The following ITPKA variants were observed in gnomAD, a reference collection of about 807,000 sequenced individuals.
The protein encoded by ITPKA is inositol-trisphosphate 3-kinase A, also known as IP3 3-kinase A.
Under a neutral mutation model 40.7 loss-of-function variants are expected in ITPKA, and 16 were observed. That is an observed-to-expected ratio of 0.39 (90% confidence interval 0.27 to 0.60). The LOEUF (loss-of-function observed/expected upper bound fraction) is 0.60. Ranked by LOEUF, ITPKA falls within the 20% of genes least tolerant of loss-of-function variation. ITPKA has a pLI of 0.50. For missense variants in ITPKA, 540 were observed against 649.3 expected (o/e 0.83, Z 1.83); for synonymous variants, 313 against 289.9 (o/e 1.08, Z -0.81).
At position 41,501,993 on chromosome 15, in the gene ITPKA, A is replaced by C. The variant is rs375919937; in HGVS notation, c.804-4A>C. On this transcript the variant is annotated splice_region_variant and splice_polypyrimidine_tract_variant and intron_variant, in intron 3 of 6. Transcript: ENST00000260386. ...TGCCCTGGCCGCTGCCTGCGCCCCC[A>C]CAGGACTTACCTAGAGGAGGAGCTG... The C allele has an allele frequency of 7.6e-5, 122 of 1,612,118 alleles. No individual in the cohort carries two copies. The highest frequency in any genetic ancestry group is 4.8e-4 in the Admixed American group (29 of 59,954).
intron 1 of ITPKA, among the ~76,000 whole-genome samples, chr15:41,496,070 G>GGC (rs1044772506): frequency 1.3e-5 from 2 of 152,238 alleles, no homozygotes; most frequent in African/African-American, 2.4e-5. Context: ...CCACCCCCAG[G>GGC]CCCGCCGGGG....
intron 6 of ITPKA, 51 bp from the exon 7 acceptor site, chr15:41,502,912 G>A (rs373004634): frequency 9.2e-5 from 148 of 1,603,988 alleles, no homozygotes; most frequent in South Asian, 8.2e-4. Flanking sequence ...GCGGGAACCC[G>A]GCAAGGGCGT....
intron 5 of ITPKA, 53 bp from the exon 6 acceptor site, chr15:41,502,735 G>A (rs2051127420): frequency 2.0e-6 from 3 of 1,483,300 alleles, no homozygotes; most frequent in Non-Finnish European, 2.8e-6. Flanking sequence ...GTTAGCAGGG[G>A]CTCATTTGGC....
chr15:41,502,538 G>A (rs1445319329), intron 5 of ITPKA, 35 bp downstream of exon 5: 7 of 1,291,330 alleles, frequency 5.4e-6, no homozygotes, highest in Non-Finnish European at 7.9e-6. Context: ...AGGTGTTGGG[G>A]AGCCTGAAGC....
Position 41,503,221 on chromosome 15 carries a change from G to C in ITPKA, c.*55G>C. 12 of 1,330,684 alleles carry C rather than the reference G, an allele frequency of 9.0e-6. No homozygotes were observed. Among genetic ancestry groups the C allele is most frequent in the Non-Finnish European group, 1.2e-5 (12 of 962,870 alleles). The allele number at this position is 1,330,684 out of a possible 1,614,324, so 82.4% of individuals were successfully genotyped here. ...ACCTGACATGTGGACCTGCAGCTTT[G>C]TCCCCACTGTGCATGCCGGCTTGAG... is the stretch of plus-strand genomic sequence containing the variant. On this transcript the variant is annotated 3_prime_UTR_variant, in exon 7 of 7. Coordinates refer to ENST00000260386, the MANE Select transcript of ITPKA (RefSeq NM_002220.3).
chr15:41,503,259 C>A lies in ITPKA; in HGVS notation c.*93C>A. 1.1e-6 allele frequency: 1 copy of A among 935,916 alleles called. No individual in the cohort carries two copies. Among genetic ancestry groups the A allele is most frequent in the Non-Finnish European group, 1.6e-6 (1 of 635,602 alleles). 58.0% of individuals were successfully genotyped at this position (935,916 alleles called of 1,614,324 possible). On this transcript the variant is annotated 3_prime_UTR_variant, in exon 7 of 7. Coordinates refer to ENST00000260386, the MANE Select transcript of ITPKA (RefSeq NM_002220.3). ...ATGCCGGCTTGAGACTGGAGCCCCGCGGTGCAGGGCAGTTCACCGGGTCCT... is the reference window on the plus strand; with the variant it reads ...ATGCCGGCTTGAGACTGGAGCCCCGAGGTGCAGGGCAGTTCACCGGGTCCT...
Position 41,494,641 on chromosome 15 carries a change from C to A in ITPKA, c.489+225C>A, listed in dbSNP as rs977989525. Among the ~76,000 whole-genome samples, 4 of 152,098 alleles carry A rather than the reference C, an allele frequency of 2.6e-5. No homozygotes were observed. The highest frequency in any genetic ancestry group is 9.7e-5 in the African/African-American group (4 of 41,426). ...GCGGGTCGTGGCGCTGGCCCTGGGG[C>A]GTCTAAGAAGCGGGGCGAGGAGCAG... On this transcript the variant is annotated intron_variant, in intron 1 of 6. Transcript: ENST00000260386. The surrounding 1 kb of genome is among the most constrained non-coding windows in gnomAD (Gnocchi z 7.8).
intron 5 of ITPKA, 100 bp downstream of exon 5, chr15:41,502,603 C>A: frequency 1.1e-6 from 1 of 925,274 alleles, no homozygotes; most frequent in Non-Finnish European, 1.7e-6. Context: ...CCCACCATGG[C>A]CCTCACCGCG....
At chr15:41,499,518 T>C (rs1364959543) in intron 1 of ITPKA, among the ~76,000 whole-genome samples, 1 of 152,212 alleles carries the variant, frequency 6.6e-6, no homozygotes, top group Non-Finnish European at 1.5e-5. Flanking sequence ...TGGAACCAAC[T>C]ACTGACTTCC....
chr15:41,502,857 G>C lies in ITPKA; in HGVS notation c.1180G>C (p.Glu394Gln). Residue 394 changes from glutamate to glutamine, a missense_variant and splice_region_variant, in exon 6 of 7, where the codon GAG (glutamate) becomes CAG (glutamine). By Grantham distance (29) the Glu-to-Gln change is conservative. Transcript: ENST00000260386. ...GGTATCCGAGTTCTTCAGGAGGCAC[G>C]AGGTAAGCGGCGGCTGCCCGGGTGC... ...LEVSEFFRRH[E>Q]VIGSSLLFVH... The C allele has an allele frequency of 2.5e-6, 4 of 1,612,554 alleles. No individual in the cohort carries two copies. Among genetic ancestry groups the C allele is most frequent in the Non-Finnish European group, 3.4e-6 (4 of 1,179,482 alleles).
chr15:41,502,131 C>T lies in ITPKA; in HGVS notation c.938C>T (p.Pro313Leu), dbSNP rs1482857957. Reference sequence around the variant, plus strand: ...CACGCGCAGCGCGCCGTCACCAAGCCGCGCTACATGCAGTGGCGGGAAGGC... The same window carrying T: ...CACGCGCAGCGCGCCGTCACCAAGCTGCGCTACATGCAGTGGCGGGAAGGC... ...EEHAQRAVTKPRYMQWREGIS... is the reference protein window; with the variant it reads ...EEHAQRAVTKLRYMQWREGIS... Residue 313 changes from proline (P) to leucine (L), a missense_variant, in exon 4 of 7, where the codon CCG (proline) becomes CTG (leucine). By Grantham distance (98) the Pro-to-Leu change is moderately conservative. Coordinates refer to ENST00000260386, the MANE Select transcript of ITPKA (RefSeq NM_002220.3). The T allele has an allele frequency of 1.2e-6, 2 of 1,610,000 alleles. No homozygotes were observed. The highest frequency in any genetic ancestry group is 1.1e-5 in the South Asian group (1 of 90,568).
chr15:41,501,917 G>C lies in ITPKA; in HGVS notation c.803+66G>C, dbSNP rs993470210. ...GGGTCCGGGGCCGGGACAGCTGCTT[G>C]AGGGGGACCCGGGGCGAGTGCTCGA... On this transcript the variant is annotated intron_variant, in intron 3 of 6. Coordinates refer to ENST00000260386, the MANE Select transcript of ITPKA (RefSeq NM_002220.3). 18 of 1,592,526 alleles carry C rather than the reference G, an allele frequency of 1.1e-5. No homozygotes were observed. In the African/African-American group the frequency reaches 2.1e-4, roughly 19 times the overall value.
Position 41,502,039 on chromosome 15 carries a change from C to T in ITPKA, c.846C>T (p.Pro282=). 6.2e-7 allele frequency: 1 copy of T among 1,613,354 alleles called. No homozygotes were observed. Among genetic ancestry groups the T allele is most frequent in the East Asian group, 2.2e-5 (1 of 44,862 alleles). The change falls in exon 4 of 7, where the codon CCC becomes CCT. Residue 282 remains proline (P), a synonymous_variant. Coordinates refer to ENST00000260386, the MANE Select transcript of ITPKA (RefSeq NM_002220.3). ...EEELTKARER[P]KLRKDMYKKM... is the part of the protein sequence containing the mutation. The stretch of plus-strand genomic sequence containing the variant: ...AGCTGACCAAGGCCCGTGAGCGGCC[C>T]AAGCTGCGGAAGGACATGTACAAGA...
chr15:41,502,736 C>T, intron 5 of ITPKA, 52 bp from the exon 6 acceptor site: 1 of 1,488,434 alleles, frequency 6.7e-7, no homozygotes, highest in Non-Finnish European at 9.2e-7. Flanking sequence ...TTAGCAGGGG[C>T]TCATTTGGCG....
Position 41,501,754 on chromosome 15 carries a change from G to T in ITPKA, c.706G>T (p.Gly236Cys). 4.3e-6 allele frequency: 7 copies of T among 1,612,744 alleles called. No homozygotes were observed. Among genetic ancestry groups the T allele is most frequent in the Non-Finnish European group, 5.1e-6 (6 of 1,179,754 alleles). ...GCGCGGCTGCGTGCCTGCCTTCCACGGCGTGGTGGAGCGCGACGGCGAAAG... is the reference window on the plus strand; with the variant it reads ...GCGCGGCTGCGTGCCTGCCTTCCACTGCGTGGTGGAGCGCGACGGCGAAAG... Reference protein sequence around the residue: ...ALRGCVPAFHGVVERDGESYL... With the variant: ...ALRGCVPAFHCVVERDGESYL... Residue 236 changes from glycine (G) to cysteine (C), a missense_variant, in exon 3 of 7, where the codon GGC (glycine) becomes TGC (cysteine). By Grantham distance (159) the Gly-to-Cys change is radical (BLOSUM62 -3). Coordinates refer to ENST00000260386, the MANE Select transcript of ITPKA (RefSeq NM_002220.3).
chr15:41,502,474 G>A lies in ITPKA; in HGVS notation c.1081G>A (p.Glu361Lys). 6.2e-7 allele frequency: 1 copy of A among 1,601,210 alleles called. No individual in the cohort carries two copies. Among genetic ancestry groups the A allele is most frequent in the East Asian group, 2.2e-5 (1 of 44,510 alleles). The change falls in exon 5 of 7, where the codon GAG (glutamate) becomes AAG (lysine). Residue 361 changes from glutamate (E) to lysine (K), a missense_variant. By Grantham distance (56) the Glu-to-Lys change is moderately conservative. Coordinates refer to ENST00000260386, the MANE Select transcript of ITPKA (RefSeq NM_002220.3). ...AGAGCAGGTGCTTCGCGTCTTTGAA[G>A]AGTTTGTGCAAGGAGATGAGGAAGT... ...SREQVLRVFEEFVQGDEEVLR... is the reference protein window; with the variant it reads ...SREQVLRVFEKFVQGDEEVLR...
intron 1 of ITPKA, among the ~76,000 whole-genome samples, chr15:41,497,314 C>CTTCTCCCGGGTTCAAGCGA: frequency 6.6e-6 from 1 of 152,254 alleles, no homozygotes; most frequent in East Asian, 1.9e-4. Context: ...GATGTTCAAG[C>CTTCTCCCGGGTTCAAGCGA]TTCTCCCGGG....
chr15:41,501,936 T>A (rs2051115085), intron 3 of ITPKA, 61 bp from the exon 4 acceptor site: 2 of 1,588,922 alleles, frequency 1.3e-6, no homozygotes, highest in Non-Finnish European at 1.7e-6. Flanking sequence ...CCGGGGCGAG[T>A]GCTCGAAGGG....
chr15:41,502,531 T>C, intron 5 of ITPKA, 28 bp downstream of exon 5: 1 of 1,332,010 alleles, frequency 7.5e-7, no homozygotes, highest in South Asian at 1.2e-5. Context: ...AACCCTGAGG[T>C]GTTGGGGAGC....
Sources: allele counts gnomAD v4.1 joint callset (sites outside exome capture counted in the v4.1 genomes callset), GRCh38; gene constraint gnomAD v4.1.1; non-coding constraint Gnocchi (gnomAD v3.1); transcripts MANE v1.5; gene names NCBI Gene and HGNC (gene_info 2026-07-23, HGNC 2026-07-21).